The following KCNN2 variants were observed in gnomAD, a reference collection of about 807,000 sequenced individuals.
KCNN2 encodes small conductance calcium-activated potassium channel protein 2.
Under a neutral mutation model 55.5 loss-of-function variants are expected in KCNN2, and 24 were observed. That is an observed-to-expected ratio of 0.43 (90% CI 0.31 to 0.61). KCNN2 has a LOEUF of 0.61. Ranked by LOEUF, KCNN2 falls within the 20% of genes least tolerant of loss-of-function variation. The pLI is 0.08. For synonymous variants in KCNN2, 431 were observed against 336.1 expected, an observed-to-expected ratio of 1.28 and a Z score of -3.09; for missense variants, 754 against 853.6, an observed-to-expected ratio of 0.88 and a Z score of 1.45.
At chr5:114,094,770 C>T (rs966211381) in intron 1 of KCNN2, among the ~76,000 whole-genome samples, 2 of 152,102 alleles carry the variant, frequency 1.3e-5, no homozygotes, top group African/African-American at 2.4e-5. Context: ...TTGCATACTT[C>T]CCTGCTTTGC....
At chr5:114,417,166 T>G (rs1580810377) in intron 3 of KCNN2, among the ~76,000 whole-genome samples, 1 of 152,360 alleles carries the variant, frequency 6.6e-6, no homozygotes, top group South Asian at 2.1e-4. Context: ...AATCTGTTTT[T>G]GTCCCAGAGG....
At chr5:114,088,212 G>A (rs1751057375) in intron 1 of KCNN2, among the ~76,000 whole-genome samples, 1 of 151,896 alleles carries the variant, frequency 6.6e-6, no homozygotes, top group African/African-American at 2.4e-5. Context: ...TTTATGGCTG[G>A]CATTGCTTCT....
intron 2 of KCNN2, among the ~76,000 whole-genome samples, chr5:114,282,581 C>T (rs1444729319): frequency 6.6e-6 from 1 of 151,998 alleles, no homozygotes; most frequent in Non-Finnish European, 1.5e-5. Context: ...GCATCAACTT[C>T]GTGAGATTTA....
At chr5:114,284,765 G>A (rs887533468) in intron 2 of KCNN2, among the ~76,000 whole-genome samples, 6 of 151,606 alleles carry the variant, frequency 4.0e-5, no homozygotes, top group South Asian at 2.1e-4. Context: ...TGATCCACCC[G>A]CCTTAGCCTC....
chr5:114,354,060 T>G (rs965277436), intron 2 of KCNN2, among the ~76,000 whole-genome samples: 1 of 152,002 alleles, frequency 6.6e-6, no homozygotes, highest in Admixed American at 6.5e-5. Flanking sequence ...TCTTGGTGCA[T>G]GTAGTGGTGT....
At chr5:114,326,842 T>A (rs2150031555) in intron 2 of KCNN2, among the ~76,000 whole-genome samples, 1 of 152,356 alleles carries the variant, frequency 6.6e-6, no homozygotes, top group African/African-American at 2.4e-5. Flanking sequence ...CAGCCATTTT[T>A]CAGGGATACA....
intron 2 of KCNN2, among the ~76,000 whole-genome samples, chr5:114,225,333 G>A (rs1220840345): frequency 1.3e-5 from 2 of 152,134 alleles, no homozygotes; most frequent in African/African-American, 2.4e-5. Context: ...TATTAAAAAT[G>A]ACGGAAAATT....
At chr5:114,064,000 A>G (rs1750386265) in intron 1 of KCNN2, among the ~76,000 whole-genome samples, 1 of 152,172 alleles carries the variant, frequency 6.6e-6, no homozygotes, top group Admixed American at 6.5e-5. Flanking sequence ...CTCACAACTT[A>G]TGGTGGATCA....
At chr5:114,372,118 A>G (rs1757776336) in intron 2 of KCNN2, among the ~76,000 whole-genome samples, 1 of 152,158 alleles carries the variant, frequency 6.6e-6, no homozygotes, top group Admixed American at 6.5e-5. Flanking sequence ...CTGTGTGTGG[A>G]TGATCTATGG....
chr5:114,448,583 C>A (rs1378335226), intron 3 of KCNN2, among the ~76,000 whole-genome samples: 2 of 152,196 alleles, frequency 1.3e-5, no homozygotes, highest in Non-Finnish European at 2.9e-5. Flanking sequence ...AATCTGTGCT[C>A]ATTCTCCTCA....
chr5:114,292,144 C>G lies in KCNN2; in HGVS notation c.-184-68801C>G, dbSNP rs1012700781. On this transcript the variant is annotated intron_variant, in intron 2 of 10. Transcript: ENST00000512097. ...AATTTTCTCCCATTCTGTAGGTTGC[C>G]TGTTCACTCTGATGGCAGTTTCTTT... Among the ~76,000 whole-genome samples the G allele has an allele frequency of 2.6e-3, 401 of 152,036 alleles. 1 individual carries two copies. Among genetic ancestry groups the G allele is most frequent in the African/African-American group, 9.1e-3 (376 of 41,512 alleles).
At chr5:114,409,403 T>C (rs532504485) in intron 3 of KCNN2, among the ~76,000 whole-genome samples, 61 of 152,318 alleles carry the variant, frequency 4.0e-4, no homozygotes, top group African/African-American at 1.4e-3. Flanking sequence ...GCTTCCTTGA[T>C]AATTATTTTC....
chr5:114,056,234 G>A (rs1750203598), exon 1 of KCNN2: 1 of 396,162 alleles, frequency 2.5e-6, no homozygotes. Context: ...CTCTCCGGCT[G>A]GCTCTCTGCT....
At chr5:114,218,513 T>C (rs1306639807) in intron 1 of KCNN2, among the ~76,000 whole-genome samples, 1 of 152,216 alleles carries the variant, frequency 6.6e-6, no homozygotes, top group Non-Finnish European at 1.5e-5. Flanking sequence ...TGTATGATTC[T>C]AGCTATGTGA....
chr5:114,326,722 A>C (rs982720422), intron 2 of KCNN2, among the ~76,000 whole-genome samples: 3 of 152,178 alleles, frequency 2.0e-5, no homozygotes, highest in African/African-American at 4.8e-5. Flanking sequence ...ATTTTTATGA[A>C]GGAAGTTCCA....
At chr5:114,323,563 TG>T (rs1481570630) in intron 2 of KCNN2, among the ~76,000 whole-genome samples, 1 of 151,908 alleles carries the variant, frequency 6.6e-6, no homozygotes, top group East Asian at 1.9e-4. Context: ...CTGTAAGATA[TG>T]GTATGATTTG....
At chr5:114,482,945 G>C (rs1206801872) in intron 5 of KCNN2, among the ~76,000 whole-genome samples, 4 of 151,978 alleles carry the variant, frequency 2.6e-5, no homozygotes, top group Admixed American at 1.3e-4. Flanking sequence ...TTAATAGCTG[G>C]GTGATGGAAT....
chr5:114,208,444 C>T (rs1384832936), intron 1 of KCNN2, among the ~76,000 whole-genome samples: 4 of 152,150 alleles, frequency 2.6e-5, no homozygotes, highest in Admixed American at 2.6e-4. Context: ...ATCTTTCATT[C>T]CTGTTTAAGG....
rs559730831 is a variant in KCNN2 at position 114,373,078 on chromosome 5, T to C, written c.1218+9077T>C. ...AAAATTATTCTTCCAAAAGTTTTTA[T>C]CAGTCCTTTTATTTTTTAAATGCTT... is the stretch of plus-strand genomic sequence containing the variant. On this transcript the variant is annotated intron_variant, in intron 2 of 7. Coordinates refer to ENST00000673685, the MANE Select transcript of KCNN2 (RefSeq NM_021614.4). Among the ~76,000 whole-genome samples the C allele has an allele frequency of 5.9e-5, 9 of 152,272 alleles. No individual in the cohort carries two copies. The East Asian group carries it at 1.7e-3, about 29-fold the overall frequency.
Sources: allele counts gnomAD v4.1 joint callset (sites outside exome capture counted in the v4.1 genomes callset), GRCh38; gene constraint gnomAD v4.1.1; transcripts MANE v1.5; gene names NCBI Gene and HGNC (gene_info 2026-07-23, HGNC 2026-07-21).